Variants in ACBD6 observed in about 807,000 individuals in gnomAD.
The protein encoded by ACBD6 is acyl-CoA-binding domain-containing protein 6.
ACBD6 carries 28 observed loss-of-function variants against 37.2 expected under a neutral mutation model. The ratio of observed to expected loss-of-function variants is 0.75; its 90% CI spans 0.56 to 1.03. The LOEUF is 1.03. Among genes scored for constraint, ACBD6 ranks in the 50% least tolerant of loss-of-function variants. The probability of loss-of-function intolerance (pLI) is 0.00; values close to 1 mark genes in which losing one functional copy is unlikely to be tolerated. For synonymous variants in ACBD6, 113 were observed against 126.8 expected (o/e 0.89, Z 0.73); for missense variants, 340 against 337.4 (o/e 1.01, Z -0.06).
intron 5 of ACBD6, among the ~76,000 whole-genome samples, chr1:180,409,921 A>G (rs1647788313): frequency 6.6e-6 from 1 of 152,260 alleles, no homozygotes; most frequent in Admixed American, 6.5e-5. Context: ...GCCAAAAGCT[A>G]GGCCTCTTGT....
At chr1:180,457,585 C>G (rs571597328) in intron 3 of ACBD6, among the ~76,000 whole-genome samples, 1 of 152,168 alleles carries the variant, frequency 6.6e-6, no homozygotes, top group African/African-American at 2.4e-5. Flanking sequence ...GCTAAGGAAT[C>G]TTACAATCAA....
Position 180,426,643 on chromosome 1 carries a change from C to CCA in ACBD6, c.467+3535_467+3536dup, listed in dbSNP as rs1571495828. On this transcript the variant is annotated intron_variant, in intron 4 of 7. Transcript: ENST00000367595. Reference sequence around the variant, plus strand: ...TGCATTTAATTATATAACCAGAATGCCATGTTATTGTAGCTCCTAACATCA... The same window carrying CCA: ...TGCATTTAATTATATAACCAGAATGCCACATGTTATTGTAGCTCCTAACATCA... Among the ~76,000 whole-genome samples the CCA allele has an allele frequency of 2.6e-5, 4 of 152,292 alleles. No homozygotes were observed. The East Asian group carries it at 5.8e-4, about 22-fold the overall frequency.
At chr1:180,345,047 T>A (rs540612691) in intron 6 of ACBD6, among the ~76,000 whole-genome samples, 1 of 152,328 alleles carries the variant, frequency 6.6e-6, no homozygotes, top group East Asian at 1.9e-4. Context: ...CTTTTTCAAG[T>A]TATACATATT....
downstream of ACBD6, chr1:180,288,184 C>T: frequency 1.3e-6 from 1 of 783,468 alleles, no homozygotes; most frequent in East Asian, 2.8e-5. Flanking sequence ...CAAAACTGTA[C>T]TGCCTAGAAT....
intron 3 of ACBD6, among the ~76,000 whole-genome samples, chr1:180,488,797 T>C (rs1651376245): frequency 6.6e-6 from 1 of 152,046 alleles, no homozygotes; most frequent in South Asian, 2.1e-4. Flanking sequence ...CCCAGGCTGC[T>C]CTCAAACTCC....
chr1:180,493,197 G>A (rs1320538962), intron 2 of ACBD6, among the ~76,000 whole-genome samples: 2 of 133,376 alleles, frequency 1.5e-5, no homozygotes, highest in Non-Finnish European at 3.1e-5. Context: ...GCAGTAAGCT[G>A]AGATGGCACC....
intron 1 of ACBD6, among the ~76,000 whole-genome samples, chr1:180,496,472 G>A (rs1651743477): frequency 6.6e-6 from 1 of 152,082 alleles, no homozygotes; most frequent in Admixed American, 6.6e-5. Flanking sequence ...TACTCTAACT[G>A]ATGCCTTCAT....
chr1:180,449,441 A>G (rs1264972558), intron 3 of ACBD6, among the ~76,000 whole-genome samples: 1 of 142,130 alleles, frequency 7.0e-6, no homozygotes, highest in Admixed American at 7.3e-5. Flanking sequence ...ACAGAGTCTC[A>G]CTCTGTCACC....
chr1:180,495,899 T>G (rs1044096092), intron 1 of ACBD6, among the ~76,000 whole-genome samples: 3 of 152,204 alleles, frequency 2.0e-5, no homozygotes, highest in African/African-American at 7.2e-5. Context: ...TAATAAGGTT[T>G]AGAATTCATA....
intron 3 of ACBD6, among the ~76,000 whole-genome samples, chr1:180,432,200 T>C (rs910569482): frequency 2.3e-5 from 2 of 87,872 alleles, no homozygotes; most frequent in African/African-American, 6.9e-5. Context: ...AGCAAGATTC[T>C]GTCTCAAAAA....
intron 3 of ACBD6, among the ~76,000 whole-genome samples, chr1:180,454,012 T>C (rs1649815602): frequency 6.6e-6 from 1 of 152,160 alleles, no homozygotes; most frequent in Admixed American, 6.5e-5. Flanking sequence ...TTCAAAGAAT[T>C]AGAAAAAACT....
At chr1:180,457,814 C>T (rs567464689) in intron 3 of ACBD6, among the ~76,000 whole-genome samples, 9 of 140,472 alleles carry the variant, frequency 6.4e-5, no homozygotes, top group African/African-American at 1.4e-4. Flanking sequence ...TTTTTTGAGA[C>T]GGAGTTTCGC....
chr1:180,346,676 G>A (rs1380613588), intron 6 of ACBD6, among the ~76,000 whole-genome samples: 2 of 152,164 alleles, frequency 1.3e-5, no homozygotes, highest in African/African-American at 2.4e-5. Context: ...CTTGACCCAT[G>A]GAGACTGTGA....
At chr1:180,284,318 C>T (rs527512347), downstream of ACBD6, among the ~76,000 whole-genome samples, 175 of 151,424 alleles carry the variant, frequency 1.2e-3, 1 homozygote, top group African/African-American at 3.3e-3. Context: ...CAATAATAAT[C>T]GTAACAACTT....
At chr1:180,414,274 C>T (rs1270535617) in intron 4 of ACBD6, among the ~76,000 whole-genome samples, 1 of 152,166 alleles carries the variant, frequency 6.6e-6, no homozygotes, top group Admixed American at 6.5e-5. Flanking sequence ...ATCAAACTGC[C>T]CCATATGTGG....
chr1:180,359,386 TA>T (rs1652759626), intron 6 of ACBD6, among the ~76,000 whole-genome samples: 1 of 152,236 alleles, frequency 6.6e-6, no homozygotes, highest in South Asian at 2.1e-4. Flanking sequence ...TATTATACAG[TA>T]TTTCCAGGAC....
chr1:180,426,995 A>T (rs192143626), intron 4 of ACBD6, among the ~76,000 whole-genome samples: 415 of 152,340 alleles, frequency 2.7e-3, no homozygotes, highest in African/African-American at 9.6e-3. Context: ...CAGAATGAGA[A>T]ATTGATGTCA....
At chr1:180,474,479 T>C (rs1650705967) in intron 3 of ACBD6, among the ~76,000 whole-genome samples, 1 of 152,074 alleles carries the variant, frequency 6.6e-6, no homozygotes, top group Non-Finnish European at 1.5e-5. Flanking sequence ...CTAAAATGTG[T>C]AATGTCATGT....
chr1:180,272,817 C>A (rs1648758780), intron 12 of ACBD6: 1 of 152,204 alleles, frequency 6.6e-6, no homozygotes, highest in Admixed American at 6.5e-5. Context: ...CATATCTTTG[C>A]CCATCTCACT....
Sources: gnomAD v4.1 joint callset for allele counts (sites outside exome capture counted in the v4.1 genomes callset) on GRCh38, gnomAD v4.1.1 for gene constraint, MANE v1.5 for transcripts, NCBI Gene and HGNC (gene_info 2026-07-23, HGNC 2026-07-21) for gene names.